LINGO2: variants seen among roughly 807,000 people sequenced by gnomAD.
LINGO2 encodes the protein leucine rich repeat and Ig domain containing 2, also known as leucine-rich repeat and immunoglobulin-like domain-containing nogo receptor-interacting protein 2.
Under a neutral mutation model 30.6 loss-of-function variants are expected in LINGO2, and 14 were observed. The ratio of observed to expected loss-of-function variants is 0.46; its 90% confidence interval spans 0.30 to 0.72. LINGO2 has a LOEUF of 0.72. Ranked by LOEUF, LINGO2 falls within the 30% of genes least tolerant of loss-of-function variation. LINGO2 has a pLI of 0.07. For synonymous variants in LINGO2, 317 were observed against 288.5 expected (o/e 1.10, Z -1.00); for missense variants, 729 against 751.7 (o/e 0.97, Z 0.35).
chr9:28,604,546 CT>C (rs1394083657), intron 1 of LINGO2, among the ~76,000 whole-genome samples: 1 of 151,944 alleles, frequency 6.6e-6, no homozygotes, highest in Non-Finnish European at 1.5e-5. Context: ...TAACATTTAG[CT>C]TGTTTCCAAA....
chr9:29,079,531 T>C, the LINGO2 span, among the ~76,000 whole-genome samples: 1 of 152,030 alleles, frequency 6.6e-6, no homozygotes, highest in Non-Finnish European at 1.5e-5. Context: ...ATTCTCTACA[T>C]ACTAGCTTAC....
the LINGO2 span, among the ~76,000 whole-genome samples, chr9:29,205,127 G>A: frequency 6.6e-6 from 1 of 151,946 alleles, no homozygotes; most frequent in African/African-American, 2.4e-5. Flanking sequence ...TGCAACCTCC[G>A]CCTCCTGGGT....
the LINGO2 span, among the ~76,000 whole-genome samples, chr9:29,114,932 G>C: frequency 9.9e-5 from 15 of 152,042 alleles, no homozygotes; most frequent in Middle Eastern, 0.01. Context: ...TTTTGACCTT[G>C]ATAAAACTTA....
At chr9:28,637,900 A>C (rs1827362876) in intron 1 of LINGO2, among the ~76,000 whole-genome samples, 1 of 152,144 alleles carries the variant, frequency 6.6e-6, no homozygotes, top group South Asian at 2.1e-4. Flanking sequence ...GTCTTGTGCC[A>C]GTTTTCAAAG....
intron 4 of LINGO2, among the ~76,000 whole-genome samples, chr9:28,017,342 A>G (rs1434312195): frequency 6.6e-6 from 1 of 152,124 alleles, no homozygotes; most frequent in African/African-American, 2.4e-5. Context: ...TAGCCAGAGC[A>G]ATTAGGCAAG....
At chr9:28,594,600 C>T (rs1033961341) in intron 1 of LINGO2, among the ~76,000 whole-genome samples, 1 of 152,014 alleles carries the variant, frequency 6.6e-6, no homozygotes, top group Non-Finnish European at 1.5e-5. Context: ...GTCTTGTTTA[C>T]AATATATAGA....
chr9:28,641,793 C>T (rs60419131), intron 1 of LINGO2, among the ~76,000 whole-genome samples: 1 of 152,078 alleles, frequency 6.6e-6, no homozygotes, highest in Non-Finnish European at 1.5e-5. Flanking sequence ...AGGAGTCAGT[C>T]ATTGGCAGTG....
the LINGO2 span, among the ~76,000 whole-genome samples, chr9:29,042,621 T>TTTAAAACGTG: frequency 6.6e-6 from 1 of 151,990 alleles, no homozygotes; most frequent in African/African-American, 2.4e-5. Context: ...CTTATGTAAC[T>TTTAAAACGTG]TTTACCTTTA....
At chr9:28,091,211 C>A (rs1292530344) in intron 4 of LINGO2, among the ~76,000 whole-genome samples, 1 of 152,134 alleles carries the variant, frequency 6.6e-6, no homozygotes, top group Non-Finnish European at 1.5e-5. Flanking sequence ...TTGGAAAAAA[C>A]TACTTTAAAG....
At chr9:28,278,427 T>C (rs1256873586) in intron 4 of LINGO2, among the ~76,000 whole-genome samples, 1 of 152,234 alleles carries the variant, frequency 6.6e-6, no homozygotes, top group Non-Finnish European at 1.5e-5. Context: ...CTACAAAGCC[T>C]CAAAGGACAT....
chr9:28,029,844 T>TAATAATAC (rs1488017844), intron 4 of LINGO2, among the ~76,000 whole-genome samples: 3 of 152,204 alleles, frequency 2.0e-5, no homozygotes, highest in Non-Finnish European at 4.4e-5. Flanking sequence ...AACTTGCAAT[T>TAATAATAC]ATATAACTTT....
chr9:28,687,035 A>G, the LINGO2 span, among the ~76,000 whole-genome samples: 39 of 152,236 alleles, frequency 2.6e-4, 1 homozygote, highest in East Asian at 7.1e-3. Flanking sequence ...ATCATTGACC[A>G]TATTCAGACA....
At chr9:29,050,095 G>C in the LINGO2 span, among the ~76,000 whole-genome samples, 1 of 151,428 alleles carries the variant, frequency 6.6e-6, no homozygotes, top group Non-Finnish European at 1.5e-5. Context: ...GTACAATCTC[G>C]GCTCACTGCA....
chr9:28,882,034 G>A, the LINGO2 span, among the ~76,000 whole-genome samples: 129,539 of 152,194 alleles, frequency 0.85, 55,308 homozygotes, highest in Non-Finnish European at 0.89. Context: ...AGCACACAGC[G>A]GACCACTGTA....
the LINGO2 span, among the ~76,000 whole-genome samples, chr9:28,763,250 T>A: frequency 6.6e-5 from 10 of 152,104 alleles, no homozygotes; most frequent in Non-Finnish European, 1.2e-4. Context: ...CTCTTCCCAA[T>A]TTCACACAGA....
the LINGO2 span, among the ~76,000 whole-genome samples, chr9:28,726,988 G>C: frequency 1.5e-3 from 228 of 152,170 alleles, 5 homozygotes; most frequent in East Asian, 0.04. Context: ...GAGGAGAGGA[G>C]AGTGAGCATT....
intron 2 of LINGO2, among the ~76,000 whole-genome samples, chr9:28,431,328 TTC>T (rs1421038010): frequency 2.0e-5 from 3 of 152,142 alleles, no homozygotes; most frequent in Non-Finnish European, 2.9e-5. Flanking sequence ...CAAACTCAAT[TTC>T]TCTGTTTTCC....
chr9:28,199,407 T>G (rs1042660424), intron 4 of LINGO2, among the ~76,000 whole-genome samples: 2 of 148,896 alleles, frequency 1.3e-5, no homozygotes, highest in Admixed American at 1.4e-4. Flanking sequence ...GGCGCGATCT[T>G]GGCTCACTGC....
the LINGO2 span, among the ~76,000 whole-genome samples, chr9:29,167,433 A>T: frequency 6.6e-6 from 1 of 152,122 alleles, no homozygotes; most frequent in Non-Finnish European, 1.5e-5. Context: ...CTGAATTATC[A>T]CAAAATAAGA....
Sources: allele counts gnomAD v4.1 joint callset (sites outside exome capture counted in the v4.1 genomes callset), GRCh38; gene constraint gnomAD v4.1.1; transcripts MANE v1.5; gene names NCBI Gene and HGNC (gene_info 2026-07-23, HGNC 2026-07-21).